The following ELP1 variants were observed in gnomAD, a reference collection of about 807,000 sequenced individuals.
ELP1 encodes the protein elongator acetyltransferase complex subunit 1, also known as elongator complex protein 1.
In ELP1, 131 loss-of-function variants were observed where a neutral mutation model predicts 183.2. The observed-to-expected ratio is 0.72, with a 90% confidence interval of 0.62 to 0.83. The LOEUF (loss-of-function observed/expected upper bound fraction) is 0.83. Among genes scored for constraint, ELP1 ranks in the 40% least tolerant of loss-of-function variants. The probability of loss-of-function intolerance (pLI) is 0.00; values close to 1 mark genes in which losing one functional copy is unlikely to be tolerated. For synonymous variants in ELP1, 555 were observed against 569.0 expected, an observed-to-expected ratio of 0.98 and a Z score of 0.35; for missense variants, 1,550 against 1,594.9, an observed-to-expected ratio of 0.97 and a Z score of 0.48.
intron 3 of ELP1, among the ~76,000 whole-genome samples, chr9:108,929,474 G>GAT (rs1262828643): frequency 5.5e-5 from 6 of 108,370 alleles, no homozygotes; most frequent in Non-Finnish European, 1.0e-4. Flanking sequence ...TCTGATAAGA[G>GAT]GTGATCTACA....
chr9:108,875,190 G>C (rs1012043891), intron 35 of ELP1, among the ~76,000 whole-genome samples: 1 of 152,174 alleles, frequency 6.6e-6, no homozygotes, highest in Non-Finnish European at 1.5e-5. Context: ...AGGTAAAGAT[G>C]GGGGGTGGAG....
At chr9:108,917,460 T>G in intron 9 of ELP1, 87 bp downstream of exon 9, 1 of 1,318,252 alleles carries the variant, frequency 7.6e-7, no homozygotes, top group South Asian at 1.2e-5. Flanking sequence ...AGAATGAAAC[T>G]CCATCTCAAA....
chr9:108,904,579 G>C (rs1003602206), intron 14 of ELP1, among the ~76,000 whole-genome samples: 1 of 152,172 alleles, frequency 6.6e-6, no homozygotes, highest in Non-Finnish European at 1.5e-5. Flanking sequence ...AATTTTGTGA[G>C]GATAAATTAT....
chr9:108,892,923 C>T, intron 27 of ELP1, 63 bp downstream of exon 27: 1 of 1,096,470 alleles, frequency 9.1e-7, no homozygotes, highest in Non-Finnish European at 1.4e-6. Context: ...TTAGGATCCT[C>T]ACTCCTTTCC....
chr9:108,923,559 C>A (rs1421399903), intron 5 of ELP1, among the ~76,000 whole-genome samples: 1 of 152,140 alleles, frequency 6.6e-6, no homozygotes, highest in Non-Finnish European at 1.5e-5. Flanking sequence ...AAAGAGTTTA[C>A]AAAATATGTC....
intron 36 of ELP1, among the ~76,000 whole-genome samples, chr9:108,870,969 ATTTTTTTTT>A (rs33952302): frequency 2.4e-5 from 2 of 83,566 alleles, no homozygotes; most frequent in East Asian, 3.8e-4. Context: ...TTCATGCACC[ATTTTTTTTT>A]TTTTTTTTTT....
intron 28 of ELP1, 104 bp downstream of exon 28, chr9:108,891,099 G>A (rs762726542): frequency 2.8e-6 from 3 of 1,079,482 alleles, no homozygotes; most frequent in Non-Finnish European, 4.3e-6. Context: ...GAACAAGACT[G>A]TCTCAGAGTA....
rs748363420 is a variant in ELP1, at chr9:108,896,933, C to T, written c.2587+20G>A. On this transcript the variant is annotated intron_variant, in intron 24 of 36. Coordinates refer to ENST00000374647, the MANE Select transcript of ELP1 (RefSeq NM_003640.5). ...CAGTCACGGCCACCTTAAGCACTTT[C>T]TCTGTGAGCGGATCTCTACCTTGAA... 5.0e-6 allele frequency: 8 copies of T among 1,607,948 alleles called. No individual in the cohort carries two copies. The South Asian group carries it at 7.7e-5, about 15-fold the overall frequency.
intron 12 of ELP1, among the ~76,000 whole-genome samples, chr9:108,909,514 G>A (rs533972782): frequency 2.6e-5 from 4 of 152,232 alleles, no homozygotes; most frequent in South Asian, 4.2e-4. Flanking sequence ...ACTTGGGCAC[G>A]GAGCCCTGAC....
At chr9:108,909,263 A>G (rs1449818101) in intron 12 of ELP1, among the ~76,000 whole-genome samples, 2 of 152,102 alleles carry the variant, frequency 1.3e-5, no homozygotes, top group Admixed American at 1.3e-4. Context: ...TATTTAATTG[A>G]TATCTTTTGT....
In ELP1 at chr9:108,927,468, A is replaced by G; in HGVS notation, c.304-15T>C. ...ACACACTCCAGCTGAGACAGAGAAAATTGAAAAGAGAGATTCAAACACTAG... is the reference window on the plus strand; with the variant it reads ...ACACACTCCAGCTGAGACAGAGAAAGTTGAAAAGAGAGATTCAAACACTAG... On this transcript the variant is annotated splice_polypyrimidine_tract_variant and intron_variant, in intron 3 of 36. Coordinates refer to ENST00000374647, the MANE Select transcript of ELP1 (RefSeq NM_003640.5). The G allele has an allele frequency of 6.2e-7, 1 of 1,605,002 alleles. No homozygotes were observed. The highest frequency in any genetic ancestry group is 8.5e-7 in the Non-Finnish European group (1 of 1,171,704).
At chr9:108,925,908 A>G (rs1181204278) in intron 5 of ELP1, among the ~76,000 whole-genome samples, 2 of 152,352 alleles carry the variant, frequency 1.3e-5, no homozygotes, top group South Asian at 4.1e-4. Context: ...GAAGTTGTCT[A>G]AATGATTTCT....
rs374286825 is a variant in ELP1 at position 108,900,156 on chromosome 9, G to A, written c.2130+104C>T. The stretch of plus-strand genomic sequence containing the variant: ...TATCAAGGAAAGGTTTACAATAAAC[G>A]ATACAAAGAATAAGAAAGCCTAAAA... On this transcript the variant is annotated intron_variant, in intron 19 of 36. Transcript: ENST00000374647. 9.7e-4 allele frequency: 854 copies of A among 883,128 alleles called. 4 individuals carry two copies. In the South Asian group the frequency reaches 0.011, roughly 12 times the overall value. The allele number at this position is 883,128 out of a possible 1,614,324, so 54.7% of individuals were successfully genotyped here.
intron 22 of ELP1, among the ~76,000 whole-genome samples, chr9:108,897,736 A>G (rs1159889786): frequency 6.6e-6 from 1 of 152,214 alleles, no homozygotes; most frequent in Non-Finnish European, 1.5e-5. Context: ...AATTCAGAAG[A>G]GTAGTTGCCT....
chr9:108,908,122 T>C (rs1372001907), intron 13 of ELP1, among the ~76,000 whole-genome samples, 183 bp downstream of exon 13: 2 of 152,196 alleles, frequency 1.3e-5, no homozygotes, highest in African/African-American at 2.4e-5. Context: ...TATCAAATTA[T>C]ATGGCATTCA....
chr9:108,918,169 T>C (rs141332890), intron 8 of ELP1, among the ~76,000 whole-genome samples: 101 of 152,332 alleles, frequency 6.6e-4, no homozygotes, highest in African/African-American at 2.3e-3. Flanking sequence ...TTCTGCTCTA[T>C]CATATAATAC....
chr9:108,890,581 C>T (rs1042934222), intron 28 of ELP1, among the ~76,000 whole-genome samples: 1 of 152,162 alleles, frequency 6.6e-6, no homozygotes, highest in African/African-American at 2.4e-5. Flanking sequence ...GTACTAGAGC[C>T]CCTGGTACCA....
rs1239081703 is a variant in ELP1, at chr9:108,892,985, C to G, written c.2958+1G>C. ...GAGCCTCATTTTCACATACCACATA[C>G]CTGGTACTGTTGTGAGCTTGGTGAA... On this transcript the variant is annotated splice_donor_variant, in intron 27 of 36. Coordinates refer to ENST00000374647, the MANE Select transcript of ELP1 (RefSeq NM_003640.5). LOFTEE classifies it high-confidence loss of function. The G allele has an allele frequency of 6.2e-7, 1 of 1,606,828 alleles. No individual in the cohort carries two copies. The highest frequency in any genetic ancestry group is 1.7e-5 in the Admixed American group (1 of 60,014).
Position 108,909,294 on chromosome 9 carries a change from T to G in ELP1, c.1361-890A>C, listed in dbSNP as rs561501008. 4.6e-5 allele frequency among the ~76,000 whole-genome samples: 7 copies of G among 152,278 alleles called. No homozygotes were observed. In the South Asian group the frequency reaches 1.0e-3, roughly 23 times the overall value. On this transcript the variant is annotated intron_variant, in intron 12 of 36. Transcript: ENST00000374647. ...TTTGTCTACACCTAGAACAACAAGTTGTAGACAAAGTACAACTAGTTTTCT... is the reference window on the plus strand; with the variant it reads ...TTTGTCTACACCTAGAACAACAAGTGGTAGACAAAGTACAACTAGTTTTCT...
Sources: allele counts gnomAD v4.1 joint callset (sites outside exome capture counted in the v4.1 genomes callset), GRCh38; gene constraint gnomAD v4.1.1; transcripts MANE v1.5; gene names NCBI Gene and HGNC (gene_info 2026-07-23, HGNC 2026-07-21).